Variants in KIAA1549L observed in about 807,000 individuals in gnomAD.
KIAA1549L encodes KIAA1549 like.
A neutral mutation model predicts 160.7 loss-of-function variants in KIAA1549L; 88 were observed. The ratio of observed to expected loss-of-function variants is 0.55; its 90% CI spans 0.46 to 0.65. The LOEUF is 0.65. Ranked by LOEUF, KIAA1549L falls within the 30% of genes least tolerant of loss-of-function variation. The pLI is 0.00. For synonymous variants in KIAA1549L, 950 were observed against 976.7 expected (o/e 0.97, Z 0.51); for missense variants, 2,258 against 2,437.5 (o/e 0.93, Z 1.55).
At chr11:33,515,246 T>A (rs1175116920) in intron 1 of KIAA1549L, among the ~76,000 whole-genome samples, 1 of 152,212 alleles carries the variant, frequency 6.6e-6, no homozygotes. Flanking sequence ...GATTACATGG[T>A]CTCTTCCCCC....
rs1235648544 is a variant in KIAA1549L at position 33,435,796 on chromosome 11, ATATATATATATATATGTGTG to A, written c.238+58909_238+58928del. 1.4e-4 allele frequency among the ~76,000 whole-genome samples: 5 copies of A among 34,666 alleles called. 1 individual carries two copies. Among genetic ancestry groups the A allele is most frequent in the Admixed American group, 3.1e-4 (1 of 3,222 alleles). The allele number at this position is 34,666 out of a possible 152,430, so 22.7% of individuals were successfully genotyped here. A position where few individuals can be genotyped will look rare whatever the true frequency, so the allele number is the denominator to read the frequency against. ...TATATATATATATATATATATATATATATATATATATATATGTGTGTGTATATATATATATGTATATGTAT... is the reference window on the plus strand; with the variant it reads ...TATATATATATATATATATATATATATGTATATATATATATGTATATGTAT... On this transcript the variant is annotated intron_variant, in intron 1 of 20. Transcript: ENST00000658780.
Position 33,496,410 on chromosome 11 carries a change from A to G in KIAA1549L, c.239-45392A>G, listed in dbSNP as rs12574139. Among the ~76,000 whole-genome samples, 235 of 152,342 alleles carry G rather than the reference A, an allele frequency of 1.5e-3. 5 individuals carry two copies. In the East Asian group the frequency reaches 0.04, roughly 26 times the overall value. On this transcript the variant is annotated intron_variant, in intron 1 of 20. Transcript: ENST00000658780. ...ACTGGAGGGGTCGTCAGCAGCTGCT[A>G]TTCATACAGTGCCGGCATCTCTTTT...
intron 17 of KIAA1549L, among the ~76,000 whole-genome samples, chr11:33,655,002 C>T (rs1170801247): frequency 6.6e-5 from 10 of 152,154 alleles, no homozygotes; most frequent in Non-Finnish European, 1.3e-4. Context: ...CTGTCATCCT[C>T]CTCCTTGAGA....
chr11:33,655,471 A>G (rs1392072001), intron 17 of KIAA1549L, among the ~76,000 whole-genome samples: 2 of 152,224 alleles, frequency 1.3e-5, no homozygotes, highest in African/African-American at 4.8e-5. Context: ...AACACAATCA[A>G]TGATTCATCC....
rs1854108847 is a variant in KIAA1549L, at chr11:33,543,510, A to G, written c.1947A>G (p.Pro649=). The G allele has an allele frequency of 6.2e-7, 1 of 1,614,054 alleles. No individual in the cohort carries two copies. Among genetic ancestry groups the G allele is most frequent in the South Asian group, 1.1e-5 (1 of 91,084 alleles). Residue 649 remains proline (P), a synonymous_variant, in exon 2 of 21, where the codon CCA becomes CCG. Coordinates refer to ENST00000658780, the MANE Select transcript of KIAA1549L (RefSeq NM_012194.3). Reference sequence around the variant, plus strand: ...CTCTTGGCTTTTCCAGCACCAAGCCAGAGGCTTATGCAGCTGCTGTGGACC... The same window carrying G: ...CTCTTGGCTTTTCCAGCACCAAGCCGGAGGCTTATGCAGCTGCTGTGGACC... The part of the protein sequence containing the change: ...FPSLGFSSTK[P]EAYAAAVDHS...
chr11:33,557,898 GGGCGGGGTAGAGAAAA>G (rs1409879126), intron 6 of KIAA1549L, among the ~76,000 whole-genome samples: 1 of 151,994 alleles, frequency 6.6e-6, no homozygotes, highest in Non-Finnish European at 1.5e-5. Context: ...AAATAGGAAG[GGGCGGGGTAGAGAAAA>G]GGCGGGGGAG....
rs547856476 is a variant in KIAA1549L, at chr11:33,384,764, G to A, written c.238+7875G>A. Among the ~76,000 whole-genome samples the A allele has an allele frequency of 6.6e-5, 10 of 152,014 alleles. No individual in the cohort carries two copies. In the East Asian group the frequency reaches 1.9e-3, roughly 29 times the overall value. ...TACTTGCCATCTATATCTCTACTTT[G>A]AAGTCTGTTAAGTTATTTTGCCCAT... On this transcript the variant is annotated intron_variant, in intron 1 of 20. Transcript: ENST00000658780.
intron 13 of KIAA1549L, 181 bp downstream of exon 13, chr11:33,599,128 C>A (rs372015032): frequency 1.8e-6 from 1 of 564,544 alleles, no homozygotes; most frequent in African/African-American, 1.9e-5. Context: ...CTCACCTTAC[C>A]CCTTGTCTGA....
chr11:33,436,454 A>G (rs1851382607), intron 1 of KIAA1549L, among the ~76,000 whole-genome samples: 1 of 152,166 alleles, frequency 6.6e-6, no homozygotes, highest in South Asian at 2.1e-4. Flanking sequence ...TCAGACCCTC[A>G]ATAGATTGGA....
intron 1 of KIAA1549L, among the ~76,000 whole-genome samples, chr11:33,482,145 G>A (rs1429161185): frequency 1.3e-5 from 2 of 151,754 alleles, no homozygotes; most frequent in African/African-American, 4.8e-5. Flanking sequence ...TCTTTGTGCT[G>A]TCTGGCACTA....
At chr11:33,505,568 C>T (rs1240048607) in intron 1 of KIAA1549L, among the ~76,000 whole-genome samples, 1 of 152,172 alleles carries the variant, frequency 6.6e-6, no homozygotes, top group Non-Finnish European at 1.5e-5. Flanking sequence ...TCCCCATTTC[C>T]CTCTTACTAT....
intron 1 of KIAA1549L, among the ~76,000 whole-genome samples, chr11:33,409,024 G>GA (rs1307242572): frequency 6.6e-6 from 1 of 151,798 alleles, no homozygotes; most frequent in Non-Finnish European, 1.5e-5. Flanking sequence ...CTTGTGTGGG[G>GA]AAATATTCCT....
At position 33,543,286 on chromosome 11, in the gene KIAA1549L, G is replaced by A. The variant is rs1307122892; in HGVS notation, c.1723G>A (p.Ala575Thr). 2 of 1,614,030 alleles carry A rather than the reference G, an allele frequency of 1.2e-6. No individual in the cohort carries two copies. Among genetic ancestry groups the A allele is most frequent in the Admixed American group, 3.3e-5 (2 of 60,028 alleles). Residue 575 changes from alanine to threonine, a missense_variant, in exon 2 of 21, where the codon GCA becomes ACA. Physicochemically the swap from Ala to Thr is moderately conservative, Grantham distance 58 (BLOSUM62 0). This residue lies in a region of KIAA1549L where 540 missense variants were observed against 465.7 expected (regional missense o/e 1.16). Transcript: ENST00000658780. ...VTAILGKNEE[A>T]NVTIPLQAFP... is the part of the protein sequence containing the mutation. ...AGCCATTTTAGGGAAGAATGAAGAG[G>A]CAAATGTGACGATTCCTCTCCAGGC...
rs1400125405 is a variant in KIAA1549L at position 33,671,553 on chromosome 11, GGAA to G, written c.*3403_*3405del. 3 of 145,230 alleles carry G rather than the reference GGAA, an allele frequency of 2.1e-5. No individual in the cohort carries two copies. Among genetic ancestry groups the G allele is most frequent in the African/African-American group, 7.6e-5 (3 of 39,704 alleles). The allele number at this position is 145,230 out of a possible 1,614,324, so 9.0% of individuals were successfully genotyped here. ...CATGTAATGTCTGAGTAATCTTGAT[GGAA>G]GAAAGGAAATAGATCTGTGATTAAA... On this transcript the variant is annotated 3_prime_UTR_variant, in exon 21 of 21. Coordinates refer to ENST00000658780, the MANE Select transcript of KIAA1549L (RefSeq NM_012194.3).
chr11:33,614,584 AT>A (rs869257067), intron 15 of KIAA1549L, among the ~76,000 whole-genome samples: 19 of 5,104 alleles, frequency 3.7e-3, no homozygotes, highest in Admixed American at 9.4e-3. Context: ...ATATATATAT[AT>A]TTTTTTTTTT....
intron 1 of KIAA1549L, among the ~76,000 whole-genome samples, chr11:33,529,284 A>G (rs1465039953): frequency 6.6e-6 from 1 of 152,060 alleles, no homozygotes; most frequent in Admixed American, 6.5e-5. Context: ...GCAGTGAGCC[A>G]TGAGCATGCT....
At chr11:33,473,261 C>T (rs867426391) in intron 1 of KIAA1549L, among the ~76,000 whole-genome samples, 8 of 152,102 alleles carry the variant, frequency 5.3e-5, no homozygotes, top group Non-Finnish European at 1.2e-4. Context: ...AAAGAGCTTC[C>T]GTCTAGTGGG....
chr11:33,550,387 GA>G (rs1430110766), intron 4 of KIAA1549L, among the ~76,000 whole-genome samples: 1 of 150,594 alleles, frequency 6.6e-6, no homozygotes, highest in Non-Finnish European at 1.5e-5. Context: ...CACCAAGAAA[GA>G]AAAAAAGAAA....
intron 1 of KIAA1549L, among the ~76,000 whole-genome samples, chr11:33,397,448 C>T (rs955110965): frequency 4.0e-5 from 6 of 151,644 alleles, no homozygotes; most frequent in East Asian, 2.0e-4. Flanking sequence ...CGGTGGCTCA[C>T]GCCTGTAATC....
Sources: gnomAD v4.1 joint callset for allele counts (sites outside exome capture counted in the v4.1 genomes callset) on GRCh38, gnomAD v4.1.1 for gene constraint, gnomAD v4.1.1 regional missense constraint, MANE v1.5 for transcripts, NCBI Gene and HGNC (gene_info 2026-07-23, HGNC 2026-07-21) for gene names.